Variants in CDKAL1 observed in about 807,000 individuals in gnomAD.
CDKAL1 encodes the protein CDKAL1 threonylcarbamoyladenosine tRNA methylthiotransferase.
Under a neutral mutation model 68.2 loss-of-function variants are expected in CDKAL1, and 32 were observed. That is an observed-to-expected ratio of 0.47 (90% CI 0.35 to 0.63). CDKAL1 has a LOEUF of 0.63. Ranked by LOEUF, CDKAL1 falls within the 30% of genes least tolerant of loss-of-function variation. CDKAL1 has a pLI of 0.00. For synonymous variants in CDKAL1, 234 were observed against 244.3 expected (o/e 0.96, Z 0.39); for missense variants, 606 against 696.7 (o/e 0.87, Z 1.47).
rs533243953 is a variant in CDKAL1 at position 21,082,165 on chromosome 6, T to C, written c.1236+16937T>C. 5.3e-5 allele frequency among the ~76,000 whole-genome samples: 8 copies of C among 152,340 alleles called. No individual in the cohort carries two copies. In the South Asian group the frequency reaches 8.3e-4, roughly 16 times the overall value. On this transcript the variant is annotated intron_variant, in intron 12 of 15. Transcript: ENST00000274695. ...GGACAAAAATGTACTGTACTAGTTA[T>C]GTTCCATCTGGGATCTTGTAATCTA... is the stretch of plus-strand genomic sequence containing the variant.
At chr6:20,823,588 A>AT (rs1374668280) in intron 8 of CDKAL1, among the ~76,000 whole-genome samples, 1 of 152,192 alleles carries the variant, frequency 6.6e-6, no homozygotes, top group African/African-American at 2.4e-5. Context: ...AATCTGACTG[A>AT]TTTTCAGTGT....
chr6:20,537,035 T>G (rs764255238), intron 2 of CDKAL1, among the ~76,000 whole-genome samples: 1 of 152,154 alleles, frequency 6.6e-6, no homozygotes, highest in Non-Finnish European at 1.5e-5. Context: ...TTCTTTTTTT[T>G]CTTTTGTTTT....
At chr6:21,069,804 T>TTTTTTTTTTTTTTTTA (rs60342057) in intron 12 of CDKAL1, among the ~76,000 whole-genome samples, 2 of 85,476 alleles carry the variant, frequency 2.3e-5, no homozygotes, top group Non-Finnish European at 4.5e-5. Context: ...TTTTTTTTTT[T>TTTTTTTTTTTTTTTTA]AAAACAGAGC....
chr6:20,820,469 C>A (rs1317201446), intron 8 of CDKAL1, among the ~76,000 whole-genome samples: 1 of 152,024 alleles, frequency 6.6e-6, no homozygotes, highest in Non-Finnish European at 1.5e-5. Flanking sequence ...AATTTATTTG[C>A]TTAAGGTCAA....
At chr6:20,543,723 A>G (rs1581699429) in intron 2 of CDKAL1, among the ~76,000 whole-genome samples, 2 of 131,156 alleles carry the variant, frequency 1.5e-5, no homozygotes, top group African/African-American at 2.9e-5. Context: ...TTATAATATT[A>G]TGTTTTACAT....
intron 4 of CDKAL1, among the ~76,000 whole-genome samples, chr6:20,618,387 T>G (rs1767022681): frequency 6.6e-6 from 1 of 152,230 alleles, no homozygotes; most frequent in Non-Finnish European, 1.5e-5. Flanking sequence ...GATGGTAGTT[T>G]CTTTTGCTCT....
chr6:20,825,763 C>A (rs1333783818), intron 8 of CDKAL1, among the ~76,000 whole-genome samples: 1 of 152,092 alleles, frequency 6.6e-6, no homozygotes, highest in East Asian at 1.9e-4. Flanking sequence ...ATGGTCCCAG[C>A]TTATTGATAT....
rs1030496462 is a variant in CDKAL1 at position 20,585,284 on chromosome 6, C to T, written c.286+36579C>T. Among the ~76,000 whole-genome samples the T allele has an allele frequency of 4.6e-5, 7 of 152,232 alleles. No homozygotes were observed. The East Asian group carries it at 1.2e-3, about 25-fold the overall frequency. On this transcript the variant is annotated intron_variant, in intron 4 of 15. Coordinates refer to ENST00000274695, the MANE Select transcript of CDKAL1 (RefSeq NM_017774.3). ...AGCCAGGATGGTCTCGATCTCCTGACCTCGTGATCCGCCCGCCTTGGCCTC... is the reference window on the plus strand; with the variant it reads ...AGCCAGGATGGTCTCGATCTCCTGATCTCGTGATCCGCCCGCCTTGGCCTC...
chr6:20,844,177 C>T (rs1778284713), intron 8 of CDKAL1, among the ~76,000 whole-genome samples: 1 of 152,110 alleles, frequency 6.6e-6, no homozygotes, highest in African/African-American at 2.4e-5. Context: ...GACAAGAAGC[C>T]TGGCCTTAGA....
intron 4 of CDKAL1, among the ~76,000 whole-genome samples, chr6:20,588,446 T>C (rs1765464206): frequency 6.6e-6 from 1 of 152,228 alleles, no homozygotes; most frequent in Non-Finnish European, 1.5e-5. Flanking sequence ...TATAAACATT[T>C]ATAAATGTTT....
At chr6:21,123,947 G>A (rs372167357) in intron 13 of CDKAL1, among the ~76,000 whole-genome samples, 22 of 152,314 alleles carry the variant, frequency 1.4e-4, no homozygotes, top group South Asian at 8.3e-4. Flanking sequence ...AAACACTTCC[G>A]TCTTAGGAAT....
intron 11 of CDKAL1, among the ~76,000 whole-genome samples, chr6:21,057,503 T>C (rs1251109786): frequency 6.6e-6 from 1 of 151,986 alleles, no homozygotes; most frequent in African/African-American, 2.4e-5. Context: ...TAAGGGTTTT[T>C]TGTGTCTCTT....
At chr6:20,883,254 A>G (rs1486068848) in intron 9 of CDKAL1, among the ~76,000 whole-genome samples, 1 of 152,224 alleles carries the variant, frequency 6.6e-6, no homozygotes, top group Non-Finnish European at 1.5e-5. Context: ...GGGGAATTCA[A>G]GCTCCATGCT....
chr6:20,743,702 G>A (rs529615296), intron 6 of CDKAL1, among the ~76,000 whole-genome samples: 1 of 152,222 alleles, frequency 6.6e-6, no homozygotes, highest in Non-Finnish European at 1.5e-5. Context: ...GATGGTGCAT[G>A]GAAAGAAAAT....
At chr6:20,850,077 G>A (rs1758929608) in intron 9 of CDKAL1, among the ~76,000 whole-genome samples, 1 of 152,134 alleles carries the variant, frequency 6.6e-6, no homozygotes, top group East Asian at 1.9e-4. Flanking sequence ...TAATTCAGGT[G>A]ATAGGAATAT....
intron 15 of CDKAL1, among the ~76,000 whole-genome samples, chr6:21,203,495 C>T (rs1029221842): frequency 1.3e-5 from 2 of 151,604 alleles, no homozygotes; most frequent in Non-Finnish European, 2.9e-5. Flanking sequence ...TTCAGCTTCC[C>T]AAAGTGCTGG....
At chr6:20,736,689 A>G (rs933264763) in intron 5 of CDKAL1, among the ~76,000 whole-genome samples, 1 of 151,832 alleles carries the variant, frequency 6.6e-6, no homozygotes, top group Non-Finnish European at 1.5e-5. Context: ...GGAGAATGGC[A>G]GGAACCCAGG....
intron 9 of CDKAL1, among the ~76,000 whole-genome samples, chr6:20,929,074 A>G (rs1044284810): frequency 2.0e-5 from 3 of 152,274 alleles, no homozygotes; most frequent in African/African-American, 7.2e-5. Context: ...TTTTAACCCT[A>G]TACAGTGGAA....
rs1447458475 is a variant in CDKAL1 at position 20,621,044 on chromosome 6, T to C, written c.287-28249T>C. On this transcript the variant is annotated intron_variant, in intron 4 of 15. Coordinates refer to ENST00000274695, the MANE Select transcript of CDKAL1 (RefSeq NM_017774.3). ...GCTGTGACAGTTTCTCAGACTTTAT[T>C]TTTTTTCCCCTAAAGCCTTTCCACT... Among the ~76,000 whole-genome samples the C allele has an allele frequency of 2.0e-5, 3 of 152,186 alleles. No individual in the cohort carries two copies. The East Asian group carries it at 5.8e-4, about 29-fold the overall frequency.
Sources: allele counts gnomAD v4.1 joint callset (sites outside exome capture counted in the v4.1 genomes callset), GRCh38; gene constraint gnomAD v4.1.1; transcripts MANE v1.5; gene names NCBI Gene and HGNC (gene_info 2026-07-23, HGNC 2026-07-21).